PDE1C: variants seen among roughly 807,000 people sequenced by gnomAD.
PDE1C encodes the protein phosphodiesterase 1C.
In PDE1C, 62 loss-of-function variants were observed where a neutral mutation model predicts 93.1. The ratio of observed to expected loss-of-function variants is 0.67; its 90% CI spans 0.54 to 0.82. PDE1C has a LOEUF of 0.82. Ranked by LOEUF, PDE1C falls within the 40% of genes least tolerant of loss-of-function variation. The pLI, the probability that PDE1C is intolerant of heterozygous loss-of-function variation, is 0.00. For synonymous variants in PDE1C, 325 were observed against 310.1 expected (o/e 1.05, Z -0.50); for missense variants, 742 against 884.6 (o/e 0.84, Z 2.04).
chr7:32,270,389 C>T (rs1810880001), intron 1 of PDE1C, among the ~76,000 whole-genome samples: 1 of 151,254 alleles, frequency 6.6e-6, no homozygotes, highest in African/African-American at 2.4e-5. Flanking sequence ...TGCTTTTTCT[C>T]TAGATGATTG....
chr7:31,616,961 A>G, the PDE1C span, among the ~76,000 whole-genome samples: 1 of 152,126 alleles, frequency 6.6e-6, no homozygotes, highest in South Asian at 2.1e-4. Context: ...CTAGATAATT[A>G]TATCTTCTCT....
intron 2 of PDE1C, among the ~76,000 whole-genome samples, chr7:31,913,188 T>C (rs1801464107): frequency 6.6e-6 from 1 of 152,110 alleles, no homozygotes. Context: ...ATGCTAGCCT[T>C]TAAGGCTACA....
intron 17 of PDE1C, among the ~76,000 whole-genome samples, chr7:31,769,855 A>G (rs1795371318): frequency 1.3e-5 from 2 of 152,358 alleles, no homozygotes; most frequent in East Asian, 1.9e-4. Context: ...ATGGAATAAT[A>G]CAATATGTGA....
At chr7:32,103,948 G>A (rs905855815) in intron 3 of PDE1C, among the ~76,000 whole-genome samples, 4 of 151,908 alleles carry the variant, frequency 2.6e-5, no homozygotes, top group Non-Finnish European at 5.9e-5. Context: ...TCAACACAAA[G>A]GGTAGAGATG....
intron 2 of PDE1C, among the ~76,000 whole-genome samples, chr7:31,926,410 T>C (rs1219232089): frequency 6.6e-6 from 1 of 152,182 alleles, no homozygotes; most frequent in Non-Finnish European, 1.5e-5. Flanking sequence ...TATAAGTGCA[T>C]TAAATATGTG....
chr7:31,725,494 T>C, the PDE1C span, among the ~76,000 whole-genome samples: 2 of 152,180 alleles, frequency 1.3e-5, no homozygotes. Context: ...ACCCCAAACA[T>C]AGACCCTGGG....
chr7:32,217,229 C>G (rs1806502137), intron 1 of PDE1C, among the ~76,000 whole-genome samples: 1 of 152,202 alleles, frequency 6.6e-6, no homozygotes, highest in South Asian at 2.1e-4. Context: ...ACCAGTACAA[C>G]TCACAAAAAC....
intron 2 of PDE1C, among the ~76,000 whole-genome samples, chr7:31,909,904 G>A (rs1801021958): frequency 6.6e-6 from 1 of 152,032 alleles, no homozygotes; most frequent in South Asian, 2.1e-4. Flanking sequence ...TCTTTGTTGT[G>A]GGGGCTGTCC....
At chr7:31,696,240 C>T in the PDE1C span, among the ~76,000 whole-genome samples, 1 of 152,312 alleles carries the variant, frequency 6.6e-6, no homozygotes, top group Non-Finnish European at 1.5e-5. Context: ...CCCTCTTTGT[C>T]ACTAATTTAC....
At chr7:32,299,173 T>C (rs766723363) in exon 1 of PDE1C, 28 of 997,940 alleles carry the variant, frequency 2.8e-5, no homozygotes, top group Non-Finnish European at 3.2e-5. Flanking sequence ...GCTGGGGGGA[T>C]TTGGGGACCC....
chr7:31,798,978 G>A (rs1313579151), intron 16 of PDE1C, among the ~76,000 whole-genome samples: 1 of 151,670 alleles, frequency 6.6e-6, no homozygotes, highest in Non-Finnish European at 1.5e-5. Flanking sequence ...GTCCTAAGTA[G>A]TATGGGGACA....
the PDE1C span, among the ~76,000 whole-genome samples, chr7:31,740,142 G>GC: frequency 3.9e-3 from 601 of 152,300 alleles, 2 homozygotes; most frequent in African/African-American, 0.014. Context: ...GGGCTAGAAT[G>GC]TGGCATTTCC....
chr7:31,965,897 C>G (rs927679744), intron 2 of PDE1C, among the ~76,000 whole-genome samples: 17 of 152,270 alleles, frequency 1.1e-4, no homozygotes, highest in African/African-American at 4.1e-4. Context: ...ACTTTACAGA[C>G]AAGCAAATGC....
chr7:31,815,905 C>G lies in PDE1C; in HGVS notation c.1813+19G>C, dbSNP rs773709291. ...TTAATGCCGCGAAAAGAGCCCTTCA[C>G]CAGTGTAAGTCTACTCACCATTCTG... is the stretch of plus-strand genomic sequence containing the variant. On this transcript the variant is annotated intron_variant, in intron 15 of 17. Transcript: ENST00000396191. 1.2e-5 allele frequency: 19 copies of G among 1,539,398 alleles called. 1 individual carries two copies. In the Admixed American group the frequency reaches 3.2e-4, roughly 26 times the overall value.
intron 3 of PDE1C, among the ~76,000 whole-genome samples, chr7:32,143,148 G>A (rs911734249): frequency 6.6e-6 from 1 of 151,858 alleles, no homozygotes; most frequent in Non-Finnish European, 1.5e-5. Flanking sequence ...GGGACACTAT[G>A]GGAAGGAATG....
intron 2 of PDE1C, among the ~76,000 whole-genome samples, chr7:31,938,645 A>G (rs1199811815): frequency 6.6e-6 from 1 of 152,168 alleles, no homozygotes; most frequent in Non-Finnish European, 1.5e-5. Context: ...ATCTTTATTC[A>G]TAATAGCTCC....
chr7:32,166,543 G>A (rs1185495497), intron 3 of PDE1C, among the ~76,000 whole-genome samples: 1 of 152,194 alleles, frequency 6.6e-6, no homozygotes, highest in Non-Finnish European at 1.5e-5. Context: ...GGATAAGAGG[G>A]AAGACTGTCA....
chr7:32,416,020 G>A lies in PDE1C; in HGVS notation c.310+11802C>T, dbSNP rs556971818. On this transcript the variant is annotated intron_variant, in intron 1 of 1. Transcript: ENST00000672256. ...GGTGCCAGGCTCCACCAGGGTGGAG[G>A]GGCAACGGTGCCCTCCCTGATGCCA... Among the ~76,000 whole-genome samples, 4 of 152,290 alleles carry A rather than the reference G, an allele frequency of 2.6e-5. No individual in the cohort carries two copies. In the South Asian group the frequency reaches 8.3e-4, roughly 32 times the overall value.
chr7:32,143,969 T>C (rs1453126615), intron 3 of PDE1C, among the ~76,000 whole-genome samples: 1 of 152,156 alleles, frequency 6.6e-6, no homozygotes, highest in Non-Finnish European at 1.5e-5. Context: ...GCACTGGGGA[T>C]ATCTGACCCA....
Sources: gnomAD v4.1 joint callset for allele counts (sites outside exome capture counted in the v4.1 genomes callset) on GRCh38, gnomAD v4.1.1 for gene constraint, MANE v1.5 for transcripts, NCBI Gene and HGNC (gene_info 2026-07-23, HGNC 2026-07-21) for gene names.